The following PDE1C variants were observed in gnomAD, a reference collection of about 807,000 sequenced individuals.
PDE1C encodes phosphodiesterase 1C, also known as dual specificity calcium/calmodulin-dependent 3',5'-cyclic nucleotide phosphodiesterase 1C.
PDE1C carries 62 observed loss-of-function variants against 93.1 expected under a neutral mutation model. The observed-to-expected ratio is 0.67, with a 90% CI of 0.54 to 0.82. The LOEUF (loss-of-function observed/expected upper bound fraction) is 0.82, where lower values mean the gene tolerates loss of function less well. Ranked by LOEUF, PDE1C falls within the 40% of genes least tolerant of loss-of-function variation. The pLI, the probability that PDE1C is intolerant of heterozygous loss-of-function variation, is 0.00. For synonymous variants in PDE1C, 325 were observed against 310.1 expected (o/e 1.05, Z -0.50); for missense variants, 742 against 884.6 (o/e 0.84, Z 2.04).
intron 2 of PDE1C, among the ~76,000 whole-genome samples, chr7:32,020,263 A>G (rs1273226913): frequency 1.3e-5 from 2 of 152,142 alleles, no homozygotes; most frequent in Non-Finnish European, 2.9e-5. Flanking sequence ...AGGAAAGGCT[A>G]TATGTCAAGG....
chr7:31,847,529 C>A (rs12701146), intron 9 of PDE1C, among the ~76,000 whole-genome samples: 25,482 of 151,796 alleles, frequency 0.17, 2,236 homozygotes, highest in Middle Eastern at 0.24. Flanking sequence ...CAGATAAAAG[C>A]AACACAAGTT....
At chr7:32,410,840 C>G (rs945831864) in intron 1 of PDE1C, among the ~76,000 whole-genome samples, 1 of 152,190 alleles carries the variant, frequency 6.6e-6, no homozygotes, top group African/African-American at 2.4e-5. Context: ...CTCCTTCAGG[C>G]CCACAAGTGT....
intron 1 of PDE1C, among the ~76,000 whole-genome samples, chr7:32,375,689 C>A (rs1008001051): frequency 6.6e-6 from 1 of 152,240 alleles, no homozygotes; most frequent in African/African-American, 2.4e-5. Context: ...AGGGGTCACA[C>A]AACTTGGCTT....
intron 1 of PDE1C, among the ~76,000 whole-genome samples, chr7:32,213,839 G>C (rs973391615): frequency 6.6e-6 from 1 of 152,184 alleles, no homozygotes; most frequent in Admixed American, 6.5e-5. Context: ...GTTCAGTTGC[G>C]TGTCTAGGCT....
chr7:31,816,117 G>A lies in PDE1C; in HGVS notation c.1620C>T (p.Arg540=), dbSNP rs2128723749. 3 of 1,613,940 alleles carry A rather than the reference G, an allele frequency of 1.9e-6. No homozygotes were observed. Among genetic ancestry groups the A allele is most frequent in the Non-Finnish European group, 2.5e-6 (3 of 1,179,922 alleles). ...KAKKEAEEKA[R]LAAEEQQKEM... Reference sequence around the variant, plus strand: ...CCTTTTGCTGCTCCTCTGCGGCCAGGCGAGCCTTTTCCTCTGCTTCCTTCT... The same window carrying A: ...CCTTTTGCTGCTCCTCTGCGGCCAGACGAGCCTTTTCCTCTGCTTCCTTCT... The change falls in exon 15 of 18, where the codon CGC becomes CGT. Residue 540 remains arginine (R), a synonymous_variant. Transcript: ENST00000396191.
intron 1 of PDE1C, among the ~76,000 whole-genome samples, chr7:32,390,437 TAAAC>T (rs530335559): frequency 1.5e-3 from 225 of 149,712 alleles, no homozygotes; most frequent in African/African-American, 5.3e-3. Flanking sequence ...GGAATGCTAC[TAAAC>T]ACTCTACAAT....
chr7:31,732,709 C>A, the PDE1C span, among the ~76,000 whole-genome samples: 1 of 150,290 alleles, frequency 6.7e-6, no homozygotes, highest in Non-Finnish European at 1.5e-5. Context: ...AACCCTAATA[C>A]ACCAAGACAC....
At chr7:32,134,793 C>T (rs1254219613) in intron 3 of PDE1C, among the ~76,000 whole-genome samples, 2 of 152,024 alleles carry the variant, frequency 1.3e-5, no homozygotes, top group Non-Finnish European at 2.9e-5. Context: ...ACAGATAGGA[C>T]AGATAGCTAA....
At chr7:31,933,478 T>C (rs1377155151) in intron 2 of PDE1C, among the ~76,000 whole-genome samples, 2 of 152,208 alleles carry the variant, frequency 1.3e-5, no homozygotes, top group Admixed American at 1.3e-4. Context: ...AAACTTTCTA[T>C]TTAAATAACA....
chr7:31,859,954 T>C (rs1385052543), intron 7 of PDE1C, among the ~76,000 whole-genome samples: 1 of 152,190 alleles, frequency 6.6e-6, no homozygotes, highest in Admixed American at 6.6e-5. Flanking sequence ...TCCAGAGTTC[T>C]AACTCCCTAT....
At chr7:31,648,536 G>A in the PDE1C span, among the ~76,000 whole-genome samples, 1 of 152,094 alleles carries the variant, frequency 6.6e-6, no homozygotes, top group Non-Finnish European at 1.5e-5. Context: ...TTCTCAGAGA[G>A]CAAACACTCC....
intron 1 of PDE1C, among the ~76,000 whole-genome samples, chr7:32,260,383 AT>A (rs1202011961): frequency 2.0e-5 from 3 of 152,216 alleles, no homozygotes; most frequent in Non-Finnish European, 4.4e-5. Flanking sequence ...TATTTCTAGT[AT>A]TCACGACTGC....
chr7:31,655,657 C>A, the PDE1C span: 1 of 835,130 alleles, frequency 1.2e-6, no homozygotes, highest in Non-Finnish European at 1.4e-6. Flanking sequence ...TCCCTTTTTG[C>A]CACATCCCCA....
chr7:32,238,432 CTAAG>C (rs1808298572), intron 1 of PDE1C, among the ~76,000 whole-genome samples: 1 of 152,154 alleles, frequency 6.6e-6, no homozygotes. Context: ...TATATTTTAA[CTAAG>C]TGTTTGTAAA....
At chr7:32,047,032 G>GGTGTGTGTGTGT (rs60646988) in intron 2 of PDE1C, among the ~76,000 whole-genome samples, 147 of 148,804 alleles carry the variant, frequency 9.9e-4, no homozygotes, top group African/African-American at 2.2e-3. Flanking sequence ...CTGAAATAGG[G>GGTGTGTGTGTGT]GTGTGTGTGT....
At chr7:32,311,391 C>G (rs1343616201) in intron 1 of PDE1C, among the ~76,000 whole-genome samples, 1 of 152,186 alleles carries the variant, frequency 6.6e-6, no homozygotes, top group Non-Finnish European at 1.5e-5. Context: ...GGAATCCTCC[C>G]TAACTAATTT....
At chr7:31,793,805 T>C (rs1584111543) in intron 16 of PDE1C, among the ~76,000 whole-genome samples, 1 of 152,004 alleles carries the variant, frequency 6.6e-6, no homozygotes, top group East Asian at 1.9e-4. Context: ...TAAAGCGTTA[T>C]TTTCAACATG....
At chr7:32,184,974 AG>A (rs1474889787) in intron 2 of PDE1C, among the ~76,000 whole-genome samples, 2 of 152,032 alleles carry the variant, frequency 1.3e-5, no homozygotes, top group East Asian at 3.9e-4. Flanking sequence ...AGCTGGGCGT[AG>A]TGGCGCATGC....
At chr7:32,025,013 C>T (rs192543065) in intron 2 of PDE1C, among the ~76,000 whole-genome samples, 11 of 152,128 alleles carry the variant, frequency 7.2e-5, no homozygotes, top group African/African-American at 2.2e-4. Context: ...CACTCAAGCA[C>T]GCCAATGACC....
Sources: gnomAD v4.1 joint callset for allele counts (sites outside exome capture counted in the v4.1 genomes callset) on GRCh38, gnomAD v4.1.1 for gene constraint, MANE v1.5 for transcripts, NCBI Gene and HGNC (gene_info 2026-07-23, HGNC 2026-07-21) for gene names.